Variants in ACTR3 observed in about 807,000 individuals in gnomAD.
The protein encoded by ACTR3 is actin related protein 3.
A neutral mutation model predicts 56.8 loss-of-function variants in ACTR3; 12 were observed. The observed-to-expected ratio is 0.21, with a 90% confidence interval of 0.14 to 0.34. The LOEUF (loss-of-function observed/expected upper bound fraction) is 0.34. Among genes scored for constraint, ACTR3 ranks in the 10% least tolerant of loss-of-function variants. ACTR3 has a pLI of 1.00. For missense variants in ACTR3, 282 were observed against 512.5 expected (o/e 0.55, Z 4.34); for synonymous variants, 162 against 167.4 (o/e 0.97, Z 0.25).
chr2:113,899,326 TACTC>T (rs541142220), intron 1 of ACTR3, among the ~76,000 whole-genome samples: 54 of 152,352 alleles, frequency 3.5e-4, no homozygotes, highest in African/African-American at 1.2e-3. Context: ...GTAATTATTT[TACTC>T]ACTATGTATT....
chr2:113,892,793 A>G (rs1238864505), intron 1 of ACTR3, among the ~76,000 whole-genome samples: 2 of 152,174 alleles, frequency 1.3e-5, no homozygotes, highest in Non-Finnish European at 2.9e-5. Context: ...CAGGTTGCTC[A>G]TTTCATTCAT....
chr2:113,933,677 A>AT (rs1167918809), intron 5 of ACTR3, among the ~76,000 whole-genome samples: 7,663 of 123,692 alleles, frequency 0.062, 748 homozygotes, highest in East Asian at 0.23. Context: ...GTTCTATACA[A>AT]TTTTTTTTTT....
intron 3 of ACTR3, among the ~76,000 whole-genome samples, chr2:113,920,869 C>G (rs1679494219): frequency 6.6e-6 from 1 of 152,160 alleles, no homozygotes; most frequent in Non-Finnish European, 1.5e-5. Flanking sequence ...CTACACATAT[C>G]CGTATGGACA....
chr2:113,919,335 T>C (rs1679464555), intron 3 of ACTR3, among the ~76,000 whole-genome samples: 1 of 152,186 alleles, frequency 6.6e-6, no homozygotes, highest in East Asian at 1.9e-4. Flanking sequence ...CTCTTAAGTC[T>C]CTTTTTATCT....
intron 11 of ACTR3, among the ~76,000 whole-genome samples, chr2:113,956,065 A>AT (rs1680206540): frequency 1.3e-5 from 2 of 151,644 alleles, no homozygotes; most frequent in African/African-American, 4.8e-5. Context: ...TATTATTATT[A>AT]TTTTTTATTG....
intron 8 of ACTR3, 36 bp downstream of exon 8, chr2:113,942,395 A>G: frequency 7.1e-7 from 1 of 1,407,886 alleles, no homozygotes; most frequent in Middle Eastern, 1.8e-4. Context: ...AAAAGTATTC[A>G]GCAGCAAATA....
intron 8 of ACTR3, among the ~76,000 whole-genome samples, chr2:113,945,838 C>T (rs746751101): frequency 1.1e-4 from 16 of 152,086 alleles, no homozygotes; most frequent in Non-Finnish European, 1.5e-4. Flanking sequence ...TGTTTCCCTC[C>T]GTATGTACAT....
At chr2:113,941,065 C>T (rs6707751) in intron 7 of ACTR3, among the ~76,000 whole-genome samples, 18,629 of 151,968 alleles carry the variant, frequency 0.12, 1,827 homozygotes, top group African/African-American at 0.27. Flanking sequence ...CCTCCTGCTT[C>T]GGAATCTCAA....
intron 8 of ACTR3, among the ~76,000 whole-genome samples, chr2:113,945,153 G>A (rs1679992993): frequency 1.3e-5 from 2 of 152,198 alleles, no homozygotes; most frequent in South Asian, 2.1e-4. Flanking sequence ...GTATACTGGA[G>A]TGTGAAGGTT....
In ACTR3 at chr2:113,961,921, T is replaced by TA. The variant is rs924355687; in HGVS notation, c.*4467dup. 101 of 152,142 alleles carry TA rather than the reference T, an allele frequency of 6.6e-4. No individual in the cohort carries two copies. Among genetic ancestry groups the TA allele is most frequent in the African/African-American group, 2.3e-3 (97 of 41,552 alleles). 9.4% of individuals were successfully genotyped at this position (152,142 alleles called of 1,614,324 possible). A position where few individuals can be genotyped will look rare whatever the true frequency, so the allele number is the denominator to read the frequency against. The stretch of plus-strand genomic sequence containing the variant: ...GCTCCTAAAATTTTTACCTAAGTGT[T>TA]ACATCCAACAACAGATGAAAGTAAT... On this transcript the variant is annotated 3_prime_UTR_variant, in exon 12 of 12. Coordinates refer to ENST00000263238, the MANE Select transcript of ACTR3 (RefSeq NM_005721.5).
At chr2:113,916,502 A>G (rs181133765) in intron 2 of ACTR3, among the ~76,000 whole-genome samples, 2 of 152,238 alleles carry the variant, frequency 1.3e-5, no homozygotes, top group Admixed American at 1.3e-4. Context: ...TTATTCTTGA[A>G]GTTTTTTTCT....
At chr2:113,937,092 A>G (rs1454225124) in intron 6 of ACTR3, among the ~76,000 whole-genome samples, 1 of 152,148 alleles carries the variant, frequency 6.6e-6, no homozygotes, top group Non-Finnish European at 1.5e-5. Context: ...CCCAGTAGCA[A>G]AAAGTTATCT....
At chr2:113,935,309 A>G (rs1679807080) in intron 6 of ACTR3, among the ~76,000 whole-genome samples, 2 of 152,152 alleles carry the variant, frequency 1.3e-5, no homozygotes, top group South Asian at 4.1e-4. Flanking sequence ...ATTTTAGAAC[A>G]TTTTCATCAC....
In ACTR3 at chr2:113,934,319, T is replaced by C; in HGVS notation, c.473T>C (p.Val158Ala). 3.7e-6 allele frequency: 6 copies of C among 1,610,048 alleles called. No individual in the cohort carries two copies. The highest frequency in any genetic ancestry group is 5.1e-6 in the Non-Finnish European group (6 of 1,178,708). Residue 158 changes from valine (V) to alanine (A), a missense_variant, in exon 6 of 12, where the codon GTA becomes GCA. Coordinates refer to ENST00000263238, the MANE Select transcript of ACTR3 (RefSeq NM_005721.5). ...GCTGCATCTTGGACCTCAAGACAAG[T>C]AGGAGAACGGACGTTGACCGGTACG... ...ALAASWTSRQ[V>A]GERTLTGTVI...
intron 3 of ACTR3, among the ~76,000 whole-genome samples, chr2:113,917,372 C>T (rs1679426213): frequency 6.6e-6 from 1 of 152,100 alleles, no homozygotes; most frequent in Non-Finnish European, 1.5e-5. Flanking sequence ...TTTATGCCAT[C>T]TGTAAGTGCT....
At chr2:113,931,510 A>C in intron 5 of ACTR3, 114 bp downstream of exon 5, 1 of 532,008 alleles carries the variant, frequency 1.9e-6, no homozygotes, top group Non-Finnish European at 3.2e-6. Context: ...ATAATGTCAA[A>C]GCATGTTATA....
chr2:113,955,886 T>G (rs1202937701), intron 11 of ACTR3, among the ~76,000 whole-genome samples, 180 bp downstream of exon 11: 1 of 152,144 alleles, frequency 6.6e-6, no homozygotes, highest in Non-Finnish European at 1.5e-5. Context: ...TAGCTGGGAC[T>G]ACAGGCATGC....
At chr2:113,927,297 T>G in intron 3 of ACTR3, 48 bp from the exon 4 acceptor site, 1 of 1,282,988 alleles carries the variant, frequency 7.8e-7, no homozygotes, top group Middle Eastern at 2.7e-4. Flanking sequence ...TTTATTTGTT[T>G]TTTATATTAA....
At chr2:113,895,376 C>T (rs1362546740) in intron 1 of ACTR3, among the ~76,000 whole-genome samples, 3 of 152,172 alleles carry the variant, frequency 2.0e-5, no homozygotes, top group East Asian at 1.9e-4. Context: ...ATCTTCCTTC[C>T]GTAGAAGATG....
Sources: allele counts gnomAD v4.1 joint callset (sites outside exome capture counted in the v4.1 genomes callset), GRCh38; gene constraint gnomAD v4.1.1; transcripts MANE v1.5; gene names NCBI Gene and HGNC (gene_info 2026-07-23, HGNC 2026-07-21).